The following LPIN1 variants were observed in gnomAD, a reference collection of about 807,000 sequenced individuals.
The protein encoded by LPIN1 is phosphatidate phosphatase LPIN1.
Under a neutral mutation model 107.5 loss-of-function variants are expected in LPIN1, and 71 were observed. The observed-to-expected ratio is 0.66, with a 90% confidence interval of 0.55 to 0.80. The LOEUF (loss-of-function observed/expected upper bound fraction) is 0.80. Ranked by LOEUF, LPIN1 falls within the 30% of genes least tolerant of loss-of-function variation. LPIN1 has a pLI of 0.00. For missense variants in LPIN1, 1,043 were observed against 1,160.6 expected, an observed-to-expected ratio of 0.90 and a Z score of 1.47; for synonymous variants, 445 against 452.6, an observed-to-expected ratio of 0.98 and a Z score of 0.21.
At chr2:11,795,565 A>G (rs1676557419) in intron 14 of LPIN1, 78 bp downstream of exon 14, 1 of 1,288,872 alleles carries the variant, frequency 7.8e-7, no homozygotes, top group Non-Finnish European at 1.1e-6. Flanking sequence ...CTGGATGCAG[A>G]TAGGGTTCAC....
chr2:11,776,924 T>C (rs1672763401), intron 6 of LPIN1, among the ~76,000 whole-genome samples: 1 of 152,248 alleles, frequency 6.6e-6, no homozygotes, highest in Admixed American at 6.5e-5. Flanking sequence ...GACCTCAGGA[T>C]GTACTTCATT....
At chr2:11,716,111 G>T (rs1663724725) in intron 2 of LPIN1, among the ~76,000 whole-genome samples, 1 of 152,142 alleles carries the variant, frequency 6.6e-6, no homozygotes, top group East Asian at 1.9e-4. Flanking sequence ...AAGGGACAAG[G>T]TCTGGGCTGG....
intron 1 of LPIN1, among the ~76,000 whole-genome samples, chr2:11,731,660 A>G (rs993833316): frequency 3.9e-5 from 6 of 152,206 alleles, no homozygotes; most frequent in African/African-American, 1.2e-4. Flanking sequence ...ACGCTCTTTC[A>G]CAATGGTTGA....
chr2:11,744,997 G>A (rs934286569), upstream of LPIN1, among the ~76,000 whole-genome samples: 17 of 152,226 alleles, frequency 1.1e-4, no homozygotes, highest in South Asian at 1.0e-3. Flanking sequence ...GACGGGAGCC[G>A]CGCCCCTGGA....
In LPIN1 at chr2:11,765,252, C is replaced by CTGATGGACCCTGATGGGCCG. The variant is rs1558842434; in HGVS notation, c.-9-262_-9-243dup. On this transcript the variant is annotated intron_variant, in intron 1 of 20. Coordinates refer to ENST00000674199, the MANE Select transcript of LPIN1 (RefSeq NM_001349206.2). This position sits in a 1 kb window ranked among gnomAD's most constrained non-coding sequence, Gnocchi z 4.4. ...GGGCCATGATGGGCCCTGATGGACCCTGATGGACCCTGATGGGCCGTGATG... is the reference window on the plus strand; with the variant it reads ...GGGCCATGATGGGCCCTGATGGACCCTGATGGACCCTGATGGGCCGTGATGGACCCTGATGGGCCGTGATG... Among the ~76,000 whole-genome samples the CTGATGGACCCTGATGGGCCG allele has an allele frequency of 7.0e-6, 1 of 143,514 alleles. No individual in the cohort carries two copies. Among genetic ancestry groups the CTGATGGACCCTGATGGGCCG allele is most frequent in the Admixed American group, 7.0e-5 (1 of 14,372 alleles). 94.2% of individuals were successfully genotyped at this position (143,514 alleles called of 152,430 possible).
rs1572337452 is a variant in LPIN1, at chr2:11,697,086, A to G, written c.82-16670A>G. ...TCTTTGTTCCTCAGCCCCAAGCTGT[A>G]TCTGGTGAGAACAGATGCGTAGTCC... On this transcript the variant is annotated intron_variant, in intron 1 of 21. Transcript: ENST00000449576. This position sits in a 1 kb window ranked among gnomAD's most constrained non-coding sequence, Gnocchi z 4.6. 6.6e-6 allele frequency among the ~76,000 whole-genome samples: 1 copy of G among 152,208 alleles called. No individual in the cohort carries two copies. Among genetic ancestry groups the G allele is most frequent in the Non-Finnish European group, 1.5e-5 (1 of 68,036 alleles).
chr2:11,808,894 C>CGAGA (rs968272020), intron 17 of LPIN1, among the ~76,000 whole-genome samples: 91 of 148,938 alleles, frequency 6.1e-4, no homozygotes, highest in African/African-American at 1.8e-3. Context: ...AAAGAGAGAG[C>CGAGA]GAGAGAGAGA....
intron 1 of LPIN1, among the ~76,000 whole-genome samples, chr2:11,684,378 A>G (rs921449256): frequency 6.6e-6 from 1 of 151,988 alleles, no homozygotes; most frequent in Non-Finnish European, 1.5e-5. Context: ...AGGTTTCTCT[A>G]TGTTGCCCAA....
intron 1 of LPIN1, among the ~76,000 whole-genome samples, chr2:11,710,894 T>C (rs988233936): frequency 6.6e-6 from 1 of 152,196 alleles, no homozygotes; most frequent in Non-Finnish European, 1.5e-5. Context: ...GCCTATTTTC[T>C]ACTTAGCTGT....
chr2:11,695,764 T>A (rs1014886085), intron 1 of LPIN1, among the ~76,000 whole-genome samples: 1 of 152,144 alleles, frequency 6.6e-6, no homozygotes, highest in African/African-American at 2.4e-5. Flanking sequence ...TTATTGGCAG[T>A]TCAGATCTCA....
intron 9 of LPIN1, 187 bp downstream of exon 9, chr2:11,784,109 AC>A (rs751242420): frequency 1.0e-6 from 1 of 968,778 alleles, no homozygotes; most frequent in Non-Finnish European, 1.5e-6. Context: ...GTTCAAGACC[AC>A]CCTGGCCAAC....
In LPIN1 at chr2:11,781,302, ACT is replaced by A. The variant is rs563477309; in HGVS notation, c.958-894_958-893del. 6.6e-5 allele frequency among the ~76,000 whole-genome samples: 10 copies of A among 152,322 alleles called. No homozygotes were observed. In the South Asian group the frequency reaches 1.2e-3, roughly 19 times the overall value. On this transcript the variant is annotated intron_variant, in intron 7 of 20. Coordinates refer to ENST00000674199, the MANE Select transcript of LPIN1 (RefSeq NM_001349206.2). ...CACAGCTATGGTGCTGACCCAGCCA[ACT>A]CTCTTTGCAAGTTTATGTCGTTAGT... is the stretch of plus-strand genomic sequence containing the variant.
intron 17 of LPIN1, 77 bp from the exon 18 acceptor site, chr2:11,815,011 A>G (rs1276693890): frequency 5.7e-5 from 77 of 1,356,528 alleles, no homozygotes; most frequent in Non-Finnish European, 7.7e-5. Flanking sequence ...CACAGAACAG[A>G]TATGGATCAG....
chr2:11,750,472 G>A (rs112302282), intron 1 of LPIN1, among the ~76,000 whole-genome samples: 1,725 of 152,256 alleles, frequency 0.011, 15 homozygotes, highest in Middle Eastern at 0.017. Flanking sequence ...TTTTGGGAAG[G>A]TACTATTTAA....
At chr2:11,796,253 G>T (rs560902744) in intron 14 of LPIN1, among the ~76,000 whole-genome samples, 9 of 152,150 alleles carry the variant, frequency 5.9e-5, no homozygotes, top group Non-Finnish European at 1.3e-4. Context: ...TATCTTGGAG[G>T]CCACTGCCCC....
At chr2:11,683,809 G>C (rs908321787) in intron 1 of LPIN1, among the ~76,000 whole-genome samples, 4 of 152,204 alleles carry the variant, frequency 2.6e-5, no homozygotes, top group African/African-American at 4.8e-5. Context: ...TGAAAGCCAG[G>C]CTTTGTCATC....
At chr2:11,757,070 A>G (rs1210204740) in intron 1 of LPIN1, among the ~76,000 whole-genome samples, 1 of 152,230 alleles carries the variant, frequency 6.6e-6, no homozygotes, top group Non-Finnish European at 1.5e-5. Context: ...GGGGTTGTAG[A>G]GTCCTGTTTC....
At chr2:11,720,752 G>T (rs1664071367), upstream of LPIN1, among the ~76,000 whole-genome samples, 1 of 152,056 alleles carries the variant, frequency 6.6e-6, no homozygotes, top group African/African-American at 2.4e-5. Context: ...GGATGCTGGA[G>T]CTGGAGCAGT....
chr2:11,752,652 C>G (rs193301098), intron 1 of LPIN1, among the ~76,000 whole-genome samples: 2 of 151,324 alleles, frequency 1.3e-5, no homozygotes, highest in Admixed American at 1.3e-4. Context: ...GGGATGGTCT[C>G]GATCTCCTGA....
Sources: allele counts gnomAD v4.1 joint callset (sites outside exome capture counted in the v4.1 genomes callset), GRCh38; gene constraint gnomAD v4.1.1; non-coding constraint Gnocchi (gnomAD v3.1); transcripts MANE v1.5; gene names NCBI Gene and HGNC (gene_info 2026-07-23, HGNC 2026-07-21).